RTCB: variants seen among roughly 807,000 people sequenced by gnomAD.
The protein encoded by RTCB is RNA 2',3'-cyclic phosphate and 5'-OH ligase.
RTCB carries 32 observed loss-of-function variants against 58.2 expected under a neutral mutation model. The ratio of observed to expected loss-of-function variants is 0.55; its 90% CI spans 0.41 to 0.74. The LOEUF is 0.74. Among genes scored for constraint, RTCB ranks in the 30% least tolerant of loss-of-function variants. The probability of loss-of-function intolerance (pLI) is 0.00; values close to 1 mark genes in which losing one functional copy is unlikely to be tolerated. For missense variants in RTCB, 523 were observed against 639.0 expected (o/e 0.82, Z 1.96); for synonymous variants, 247 against 218.6 (o/e 1.13, Z -1.15).
intron 1 of RTCB, among the ~76,000 whole-genome samples, chr22:32,411,708 G>A (rs1425269062): frequency 1.3e-5 from 2 of 152,186 alleles, no homozygotes; most frequent in Non-Finnish European, 2.9e-5. Context: ...CCTGGGGCTG[G>A]CTGTTCCACC....
intron 10 of RTCB, chr22:32,392,645 G>A: frequency 2.1e-6 from 1 of 480,902 alleles, no homozygotes; most frequent in Admixed American, 3.5e-5. Flanking sequence ...ACTAAACCAT[G>A]ACAATAAAAA....
chr22:32,409,475 AC>A (rs1933483198), intron 1 of RTCB, among the ~76,000 whole-genome samples: 1 of 152,220 alleles, frequency 6.6e-6, no homozygotes, highest in Non-Finnish European at 1.5e-5. Flanking sequence ...AAGGCAATGG[AC>A]GACATACTTA....
rs1373524763 is a variant in RTCB at position 32,408,164 on chromosome 22, C to T, written c.240+11G>A. The T allele has an allele frequency of 6.2e-7, 1 of 1,612,726 alleles. No individual in the cohort carries two copies. The highest frequency in any genetic ancestry group is 2.2e-5 in the East Asian group (1 of 44,886). On this transcript the variant is annotated intron_variant, in intron 3 of 11. Coordinates refer to ENST00000216038, the MANE Select transcript of RTCB (RefSeq NM_014306.5). ...AAATATAAATGATTAAAGTTCTGAA[C>T]TCTGACTCACATGAACAATTCCAGG...
At chr22:32,394,115 T>A in intron 9 of RTCB, 113 bp from the exon 10 acceptor site, 1 of 131,104 alleles carries the variant, frequency 7.6e-6, no homozygotes. Context: ...CCCAGACTTC[T>A]TTTTTTTTTT....
Position 32,395,087 on chromosome 22 carries a change from TG to T in RTCB, c.1117del (p.His373ThrfsTer47), listed in dbSNP as rs1933222905. The T allele has an allele frequency of 6.2e-7, 1 of 1,614,080 alleles. No homozygotes were observed. The highest frequency in any genetic ancestry group is 1.1e-5 in the South Asian group (1 of 91,088). ...VDGKERTLLV[H>X]RKGSTRAFPP... Reference sequence around the variant, plus strand: ...GAAAGCGCGGGTGGATCCCTTCCTGTGTACTAACAGTGTCCGTTCCTTTCCG... The same window carrying T: ...GAAAGCGCGGGTGGATCCCTTCCTGTTACTAACAGTGTCCGTTCCTTTCCG... On this transcript the variant is annotated frameshift_variant, in exon 9 of 12. Transcript: ENST00000216038. LOFTEE classifies it high-confidence loss of function.
intron 7 of RTCB, 151 bp downstream of exon 7, chr22:32,397,790 A>G (rs1933270525): frequency 1.3e-5 from 8 of 621,012 alleles, no homozygotes; most frequent in Non-Finnish European, 1.8e-5. Context: ...TTTTTTAGAC[A>G]AGAAAGTTAT....
rs955227198 is a variant in RTCB at position 32,387,661 on chromosome 22, C to T, written c.*331G>A. ...AAACAGAGCTTGGTGTGAAGAAGAT[C>T]AATCTGATGGCTAAAGATCAGTATG... On this transcript the variant is annotated 3_prime_UTR_variant, in exon 12 of 12. Transcript: ENST00000216038. The T allele has an allele frequency of 2.6e-5, 6 of 229,616 alleles. No homozygotes were observed. Among genetic ancestry groups the T allele is most frequent in the African/African-American group, 1.3e-4 (6 of 45,020 alleles). The allele number at this position is 229,616 out of a possible 1,614,324, so 14.2% of individuals were successfully genotyped here. A position where few individuals can be genotyped will look rare whatever the true frequency, so the allele number is the denominator to read the frequency against.
Position 32,401,775 on chromosome 22 carries a change from A to T in RTCB, c.469T>A (p.Ser157Thr). Residue 157 changes from serine to threonine, a missense_variant, in exon 5 of 12, where the codon TCA (serine) becomes ACA (threonine). By Grantham distance (58) the Ser-to-Thr change is moderately conservative. Coordinates refer to ENST00000216038, the MANE Select transcript of RTCB (RefSeq NM_014306.5). Reference protein sequence around the residue: ...MFDHIPVGVGSKGVIPMNAKD... With the variant: ...MFDHIPVGVGTKGVIPMNAKD... ...GCATTCATTGGGATGACACCTTTTGACCCCACCCCAACAGGAATGTGGTCA... is the reference window on the plus strand; with the variant it reads ...GCATTCATTGGGATGACACCTTTTGTCCCCACCCCAACAGGAATGTGGTCA... 2 of 1,613,658 alleles carry T rather than the reference A, an allele frequency of 1.2e-6. No homozygotes were observed. Among genetic ancestry groups the T allele is most frequent in the Non-Finnish European group, 1.7e-6 (2 of 1,179,818 alleles).
chr22:32,395,087 T>G lies in RTCB; in HGVS notation c.1118A>C (p.His373Pro), dbSNP rs1459140582. ...GAAAGCGCGGGTGGATCCCTTCCTGTGTACTAACAGTGTCCGTTCCTTTCC... is the reference window on the plus strand; with the variant it reads ...GAAAGCGCGGGTGGATCCCTTCCTGGGTACTAACAGTGTCCGTTCCTTTCC... ...VDGKERTLLV[H>P]RKGSTRAFPP... is the part of the protein sequence containing the mutation. The change falls in exon 9 of 12, where the codon CAC becomes CCC. Residue 373 changes from histidine to proline, a missense_variant. His to Pro is a moderately conservative substitution (Grantham distance 77). This residue lies in a region of RTCB where 248 missense variants were observed against 292.5 expected (regional missense o/e 0.85). Coordinates refer to ENST00000216038, the MANE Select transcript of RTCB (RefSeq NM_014306.5). The G allele has an allele frequency of 6.2e-6, 10 of 1,614,080 alleles. No individual in the cohort carries two copies. Among genetic ancestry groups the G allele is most frequent in the Non-Finnish European group, 7.6e-6 (9 of 1,180,034 alleles).
rs772937813 is a variant in RTCB at position 32,396,122 on chromosome 22, C to T, written c.942G>A (p.Gly314=). ...AAGAGCGGTTGACCCAGGCATAGTT[C>T]CCAGCAGCTGCCATTCCCTTCAGAT... ...QDYLKGMAAA[G]NYAWVNRSSM... The change falls in exon 8 of 12, where the codon GGG becomes GGA. Residue 314 remains glycine (G), a synonymous_variant. Coordinates refer to ENST00000216038, the MANE Select transcript of RTCB (RefSeq NM_014306.5). 6.2e-7 allele frequency: 1 copy of T among 1,614,116 alleles called. No homozygotes were observed. The highest frequency in any genetic ancestry group is 8.5e-7 in the Non-Finnish European group (1 of 1,180,004).
At chr22:32,389,725 C>A (rs1933120318) in intron 11 of RTCB, among the ~76,000 whole-genome samples, 1 of 152,186 alleles carries the variant, frequency 6.6e-6, no homozygotes, top group Admixed American at 6.5e-5. Flanking sequence ...ACTTCTCCAG[C>A]AATTTCCTCC....
intron 8 of RTCB, 73 bp from the exon 9 acceptor site, chr22:32,395,287 ACT>A: frequency 7.5e-7 from 1 of 1,328,356 alleles, no homozygotes; most frequent in Non-Finnish European, 1.1e-6. Flanking sequence ...GACTCATCTC[ACT>A]GGTTTCAGGT....
Position 32,387,686 on chromosome 22 carries a change from G to C in RTCB, c.*306C>G, listed in dbSNP as rs963707597. The C allele has an allele frequency of 7.2e-6, 2 of 276,042 alleles. No individual in the cohort carries two copies. Among genetic ancestry groups the C allele is most frequent in the Admixed American group, 9.2e-5 (2 of 21,844 alleles). The allele number at this position is 276,042 out of a possible 1,614,324, so 17.1% of individuals were successfully genotyped here. The stretch of plus-strand genomic sequence containing the variant: ...CAATCTGATGGCTAAAGATCAGTAT[G>C]ACTGCGTAAGGCAGTTTGACATCTA... On this transcript the variant is annotated 3_prime_UTR_variant, in exon 12 of 12. Coordinates refer to ENST00000216038, the MANE Select transcript of RTCB (RefSeq NM_014306.5).
intron 1 of RTCB, 82 bp from the exon 2 acceptor site, chr22:32,408,915 T>C: frequency 2.1e-6 from 2 of 957,978 alleles, no homozygotes; most frequent in Non-Finnish European, 3.4e-6. Flanking sequence ...CTGTATGCAA[T>C]ATTTACTGTG....
chr22:32,396,155 A>G lies in RTCB; in HGVS notation c.909T>C (p.Gly303=). ...CTGCCATTCCCTTCAGATAGTCTTG[A>G]CCCTCTGGGGAAGCGATTCGAGCAC... ...LACARIASPE[G]QDYLKGMAAA... The change falls in exon 8 of 12, where the codon GGT becomes GGC. Residue 303 remains glycine, a synonymous_variant. Coordinates refer to ENST00000216038, the MANE Select transcript of RTCB (RefSeq NM_014306.5). The G allele has an allele frequency of 6.2e-7, 1 of 1,613,934 alleles. No individual in the cohort carries two copies. Among genetic ancestry groups the G allele is most frequent in the Non-Finnish European group, 8.5e-7 (1 of 1,179,986 alleles).
At chr22:32,404,754 C>T (rs754573830) in intron 4 of RTCB, among the ~76,000 whole-genome samples, 14 of 152,246 alleles carry the variant, frequency 9.2e-5, no homozygotes, top group Middle Eastern at 3.4e-3. Context: ...TCTCAGCTCA[C>T]GGCAACCTCT....
rs551423764 is a variant in RTCB at position 32,397,930 on chromosome 22, C to G, written c.814+11G>C. On this transcript the variant is annotated intron_variant, in intron 7 of 11. Transcript: ENST00000216038. ...TAAAATGTACATTTTAGCACAAAGT[C>G]TAGAATATACCTGTGGCTACTTGGT... The G allele has an allele frequency of 5.0e-6, 8 of 1,604,916 alleles. No individual in the cohort carries two copies. The South Asian group carries it at 9.0e-5, about 18-fold the overall frequency.
Position 32,393,998 on chromosome 22 carries a change from G to A in RTCB, c.1184C>T (p.Thr395Ile), listed in dbSNP as rs769815628. 4 of 1,602,642 alleles carry A rather than the reference G, an allele frequency of 2.5e-6. No homozygotes were observed. The highest frequency in any genetic ancestry group is 2.7e-5 in the African/African-American group (2 of 74,694). Residue 395 changes from threonine to isoleucine, a missense_variant, in exon 10 of 12, where the codon ACT becomes ATT. By Grantham distance (89) the Thr-to-Ile change is moderately conservative. This residue lies in a region of RTCB where 248 missense variants were observed against 292.5 expected (regional missense o/e 0.85). Transcript: ENST00000216038. ...GCCACCAATGAGCACTGGCTGTCCA[G>A]TGAGCTGAGGATGCACATAAATCAA... is the stretch of plus-strand genomic sequence containing the variant. ...HPLIAVDYQL[T>I]GQPVLIGGTM...
intron 6 of RTCB, 139 bp downstream of exon 6, chr22:32,399,464 T>G (rs1933299313): frequency 1.2e-6 from 1 of 832,212 alleles, no homozygotes; most frequent in African/African-American, 1.7e-5. Flanking sequence ...AAATGAAGCA[T>G]AAACAAATTT....
Sources: gnomAD v4.1 joint callset for allele counts (sites outside exome capture counted in the v4.1 genomes callset) on GRCh38, gnomAD v4.1.1 for gene constraint, gnomAD v4.1.1 regional missense constraint, MANE v1.5 for transcripts, NCBI Gene and HGNC (gene_info 2026-07-23, HGNC 2026-07-21) for gene names.